Variants in DAP3 observed in about 807,000 individuals in gnomAD.
The protein encoded by DAP3 is small ribosomal subunit protein mS29.
In DAP3, 28 loss-of-function variants were observed where a neutral mutation model predicts 51.9. The observed-to-expected ratio is 0.54, with a 90% CI of 0.40 to 0.74. DAP3 has a LOEUF of 0.74. Among genes scored for constraint, DAP3 ranks in the 30% least tolerant of loss-of-function variants. DAP3 has a pLI of 0.00. For missense variants in DAP3, 458 were observed against 483.5 expected (o/e 0.95, Z 0.49); for synonymous variants, 170 against 170.3 (o/e 1.00, Z 0.01).
chr1:155,688,322 C>T, upstream of DAP3: 2 of 1,548,426 alleles, frequency 1.3e-6, no homozygotes, highest in Admixed American at 2.0e-5. Flanking sequence ...CCCAAAATGG[C>T]GGCGGCAGCG....
intron 3 of DAP3, among the ~76,000 whole-genome samples, chr1:155,720,077 C>T (rs1053181762): frequency 7.2e-5 from 11 of 151,726 alleles, no homozygotes; most frequent in African/African-American, 2.4e-4. Flanking sequence ...GTAATCCCAA[C>T]ACTGAGAGGC....
chr1:155,736,837 T>A (rs1659857013), intron 11 of DAP3, 109 bp from the exon 12 acceptor site: 1 of 889,602 alleles, frequency 1.1e-6, no homozygotes, highest in Non-Finnish European at 1.9e-6. Context: ...GAAGTAGAGT[T>A]ACATAGAAGA....
intron 1 of DAP3, among the ~76,000 whole-genome samples, chr1:155,699,339 G>C (rs1279357340): frequency 6.6e-6 from 1 of 152,198 alleles, no homozygotes; most frequent in Non-Finnish European, 1.5e-5. Flanking sequence ...ATGCTTCAGA[G>C]GAGCGTCTTT....
At position 155,729,024 on chromosome 1, in the gene DAP3, T is replaced by C; in HGVS notation, c.604-18T>C. ...AGTAGCCTTTTTTTTGGTTTTTATT[T>C]TCTTTGCTTGCTTTTAGATAAAAGT... On this transcript the variant is annotated intron_variant, in intron 7 of 12. Coordinates refer to ENST00000368336, the MANE Select transcript of DAP3 (RefSeq NM_004632.4). The C allele has an allele frequency of 1.2e-6, 2 of 1,610,444 alleles. No individual in the cohort carries two copies. The highest frequency in any genetic ancestry group is 1.7e-6 in the Non-Finnish European group (2 of 1,179,208).
At chr1:155,727,515 A>T in intron 6 of DAP3, 93 bp from the exon 7 acceptor site, 1 of 1,396,296 alleles carries the variant, frequency 7.2e-7, no homozygotes. Context: ...GAGAAACTAA[A>T]GTCATTTCCC....
chr1:155,688,985 G>A (rs1195122940), upstream of DAP3: 2 of 1,606,184 alleles, frequency 1.2e-6, no homozygotes, highest in Non-Finnish European at 8.5e-7. Flanking sequence ...ATGGGACCGC[G>A]GCGAGGGGAT....
intron 1 of DAP3, chr1:155,709,000 C>CTTCAGTACCTTCTATATGGCAGG (rs1656364902): frequency 6.6e-6 from 1 of 152,172 alleles, no homozygotes; most frequent in African/African-American, 2.4e-5. Context: ...TGCGCGTGGC[C>CTTCAGTACCTTCTATATGGCAGG]TCCGACTAAT....
At chr1:155,706,445 GGTT>G (rs1655978396) in intron 1 of DAP3, among the ~76,000 whole-genome samples, 1 of 152,162 alleles carries the variant, frequency 6.6e-6, no homozygotes, top group Admixed American at 6.6e-5. Context: ...GCAACTCTAT[GGTT>G]GTTATTATTG....
intron 6 of DAP3, 111 bp downstream of exon 6, chr1:155,726,130 T>TG (rs2149185850): frequency 1.1e-4 from 94 of 879,866 alleles, no homozygotes; most frequent in Non-Finnish European, 1.4e-4. Context: ...TTTTTTTTTT[T>TG]GAGATGGAGT....
Position 155,706,748 on chromosome 1 carries a change from AAAAT to A in DAP3, c.-7-3001_-7-2998del, listed in dbSNP as rs566737528. 1.4e-3 allele frequency among the ~76,000 whole-genome samples: 210 copies of A among 151,926 alleles called. 4 individuals carry two copies. In the East Asian group the frequency reaches 0.032, roughly 23 times the overall value. ...GGGTGACAGAGCAAGACTTCATCGC[AAAAT>A]AAATAAATAAATAAATAAATAAAAT... On this transcript the variant is annotated intron_variant, in intron 1 of 12. Transcript: ENST00000368336.
At chr1:155,697,579 G>A (rs931482617) in intron 1 of DAP3, among the ~76,000 whole-genome samples, 6 of 152,082 alleles carry the variant, frequency 3.9e-5, no homozygotes, top group Admixed American at 3.9e-4. Flanking sequence ...GGGGAGGGGT[G>A]TACGAATAGG....
chr1:155,713,627 T>G (rs752000981), intron 2 of DAP3, among the ~76,000 whole-genome samples: 14 of 152,220 alleles, frequency 9.2e-5, no homozygotes, highest in Non-Finnish European at 7.3e-5. Context: ...CTTCCGAGCG[T>G]GTAGCCTAGG....
intron 12 of DAP3, 68 bp from the exon 13 acceptor site, chr1:155,738,089 A>G (rs775069872): frequency 3.3e-6 from 5 of 1,507,726 alleles, no homozygotes; most frequent in Non-Finnish European, 4.6e-6. Flanking sequence ...CTCTGACTAC[A>G]CGATATTCTG....
At chr1:155,734,179 A>C (rs1011814833) in intron 11 of DAP3, among the ~76,000 whole-genome samples, 1 of 152,074 alleles carries the variant, frequency 6.6e-6, no homozygotes, top group East Asian at 1.9e-4. Flanking sequence ...AGCTCCTTCA[A>C]GCTAACTTCT....
At chr1:155,715,402 G>T (rs1657209330) in intron 2 of DAP3, among the ~76,000 whole-genome samples, 1 of 151,870 alleles carries the variant, frequency 6.6e-6, no homozygotes, top group Non-Finnish European at 1.5e-5. Flanking sequence ...TGCACCTGTA[G>T]TCCCAGCTAC....
chr1:155,714,528 G>T (rs1441810473), intron 2 of DAP3, among the ~76,000 whole-genome samples: 1 of 151,954 alleles, frequency 6.6e-6, no homozygotes, highest in Non-Finnish European at 1.5e-5. Flanking sequence ...ACTTTGGGAG[G>T]CTAAGGCGGG....
chr1:155,710,500 G>A (rs146180024), intron 2 of DAP3: 5 of 152,322 alleles, frequency 3.3e-5, no homozygotes, highest in African/African-American at 1.2e-4. Context: ...AAAGTGCTGG[G>A]ATTACAGGCG....
intron 4 of DAP3, 55 bp from the exon 5 acceptor site, chr1:155,725,327 C>T (rs2149183550): frequency 1.3e-6 from 2 of 1,497,970 alleles, no homozygotes; most frequent in South Asian, 1.1e-5. Context: ...ATATACCACC[C>T]CCCACCCACT....
chr1:155,726,451 G>A (rs1658609790), intron 6 of DAP3, among the ~76,000 whole-genome samples: 1 of 151,888 alleles, frequency 6.6e-6, no homozygotes, highest in South Asian at 2.1e-4. Flanking sequence ...ACCATGCCCG[G>A]CTAATTTTTT....
Sources: allele counts gnomAD v4.1 joint callset (sites outside exome capture counted in the v4.1 genomes callset), GRCh38; gene constraint gnomAD v4.1.1; transcripts MANE v1.5; gene names NCBI Gene and HGNC (gene_info 2026-07-23, HGNC 2026-07-21).